The following GREB1 variants were observed in gnomAD, a reference collection of about 807,000 sequenced individuals.
GREB1 encodes the protein growth regulating estrogen receptor binding 1.
A neutral mutation model predicts 200.7 loss-of-function variants in GREB1; 106 were observed. The observed-to-expected ratio is 0.53, with a 90% CI of 0.45 to 0.62. The LOEUF (loss-of-function observed/expected upper bound fraction) is 0.62. GREB1 is among the 20% of genes least tolerant of loss of function. The probability of loss-of-function intolerance (pLI) is 0.00; values close to 1 mark genes in which losing one functional copy is unlikely to be tolerated. For synonymous variants in GREB1, 1,132 were observed against 1,092.4 expected, an observed-to-expected ratio of 1.04 and a Z score of -0.72; for missense variants, 2,243 against 2,556.8, an observed-to-expected ratio of 0.88 and a Z score of 2.65.
chr2:11,634,051 G>C, intron 28 of GREB1, 80 bp from the exon 29 acceptor site: 1 of 1,319,470 alleles, frequency 7.6e-7, no homozygotes, highest in African/African-American at 1.4e-5. Flanking sequence ...TCTGAGAGCC[G>C]GTGCCACACT....
intron 19 of GREB1, among the ~76,000 whole-genome samples, 161 bp downstream of exon 19, chr2:11,612,771 G>T (rs1244697958): frequency 1.3e-5 from 2 of 152,232 alleles, no homozygotes; most frequent in Non-Finnish European, 2.9e-5. Context: ...TCCCAGCATG[G>T]GCCTGAGTGC....
At chr2:11,617,190 C>T (rs544654010) in intron 21 of GREB1, among the ~76,000 whole-genome samples, 7 of 152,352 alleles carry the variant, frequency 4.6e-5, no homozygotes, top group East Asian at 3.9e-4. Context: ...ACAGCCACAG[C>T]GGGTGGGCAG....
intron 30 of GREB1, among the ~76,000 whole-genome samples, chr2:11,636,013 C>T (rs916929437): frequency 4.6e-5 from 7 of 152,202 alleles, no homozygotes; most frequent in Admixed American, 6.5e-5. Flanking sequence ...CTAATGCCAC[C>T]AGCTGCCTTT....
At chr2:11,534,523 G>C (rs1572605117) in intron 1 of GREB1, among the ~76,000 whole-genome samples, 1 of 152,318 alleles carries the variant, frequency 6.6e-6, no homozygotes. Flanking sequence ...GTGTGCTGAA[G>C]TGGGGAGCGT....
At chr2:11,617,330 G>A (rs1352476925) in intron 21 of GREB1, among the ~76,000 whole-genome samples, 2 of 152,172 alleles carry the variant, frequency 1.3e-5, no homozygotes, top group East Asian at 1.9e-4. Flanking sequence ...AGGGGCCACC[G>A]TCGGCCATCA....
chr2:11,553,004 C>A (rs1252471507), intron 1 of GREB1, among the ~76,000 whole-genome samples: 4 of 113,732 alleles, frequency 3.5e-5, no homozygotes, highest in Non-Finnish European at 6.4e-5. Context: ...AGCGAAACTC[C>A]GTCTCAAAAA....
At chr2:11,540,386 C>G (rs1226744690) in intron 1 of GREB1, among the ~76,000 whole-genome samples, 3 of 152,236 alleles carry the variant, frequency 2.0e-5, no homozygotes, top group Non-Finnish European at 4.4e-5. Context: ...TGCTTGGGCC[C>G]TGCCTGGTTG....
chr2:11,618,198 G>GCGAC lies in GREB1; in HGVS notation c.3413-90_3413-89insCGAC. The GCGAC allele has an allele frequency of 6.7e-6, 8 of 1,192,298 alleles. No individual in the cohort carries two copies. The South Asian group carries it at 1.3e-4, about 20-fold the overall frequency. 73.9% of individuals were successfully genotyped at this position (1,192,298 alleles called of 1,614,324 possible). A position where few individuals can be genotyped will look rare whatever the true frequency, so the allele number is the denominator to read the frequency against. ...CTGGGACAGGTCACTCCTGGGATGG[G>GCGAC]TGACTCCTGGGACAGGTCACTCCTG... is the stretch of plus-strand genomic sequence containing the variant. On this transcript the variant is annotated intron_variant, in intron 21 of 32. Coordinates refer to ENST00000381486, the MANE Select transcript of GREB1 (RefSeq NM_014668.4).
intron 6 of GREB1, 105 bp downstream of exon 6, chr2:11,578,536 G>A: frequency 8.3e-7 from 1 of 1,202,884 alleles, no homozygotes; most frequent in Non-Finnish European, 1.2e-6. Flanking sequence ...AATAAATCAG[G>A]GGGCTGTTAT....
intron 1 of GREB1, among the ~76,000 whole-genome samples, chr2:11,535,509 T>G (rs1051484491): frequency 6.9e-6 from 1 of 145,062 alleles, no homozygotes; most frequent in Non-Finnish European, 1.5e-5. Flanking sequence ...CTGTTTCCAT[T>G]AAACAGCATT....
At chr2:11,584,866 C>T in intron 7 of GREB1, 1 of 246,354 alleles carries the variant, frequency 4.1e-6, no homozygotes, top group Non-Finnish European at 7.8e-6. Context: ...CTGTAGTGCG[C>T]TATGCCGATC....
chr2:11,579,802 G>A (rs1300208770), intron 6 of GREB1, among the ~76,000 whole-genome samples: 2 of 152,178 alleles, frequency 1.3e-5, no homozygotes, highest in African/African-American at 4.8e-5. Context: ...AGCCATGATT[G>A]TCCCCAGAAT....
intron 1 of GREB1, among the ~76,000 whole-genome samples, chr2:11,497,700 A>G (rs1672924490): frequency 6.6e-6 from 1 of 152,026 alleles, no homozygotes; most frequent in Non-Finnish European, 1.5e-5. Context: ...TTGTGGTTTT[A>G]ATTTGTATTT....
chr2:11,513,580 A>G (rs1354093312), intron 1 of GREB1, among the ~76,000 whole-genome samples: 3 of 152,170 alleles, frequency 2.0e-5, no homozygotes, highest in African/African-American at 2.4e-5. Flanking sequence ...CTGAAACTCT[A>G]TAGTCCTGGC....
At chr2:11,518,792 T>C (rs1479262503) in intron 1 of GREB1, among the ~76,000 whole-genome samples, 1 of 149,242 alleles carries the variant, frequency 6.7e-6, no homozygotes, top group Non-Finnish European at 1.5e-5. Flanking sequence ...AATATAAGCA[T>C]GTGTCTTTTT....
chr2:11,631,010 G>T (rs1020690002), intron 26 of GREB1, among the ~76,000 whole-genome samples: 3 of 152,170 alleles, frequency 2.0e-5, no homozygotes, highest in African/African-American at 7.2e-5. Flanking sequence ...TACCCAAGAG[G>T]ACTTCATTGT....
At chr2:11,540,232 T>A (rs1287544401) in intron 1 of GREB1, 10 of 152,190 alleles carry the variant, frequency 6.6e-5, no homozygotes, top group Admixed American at 6.5e-4. Flanking sequence ...GCCCTTCTAA[T>A]AAGGTGCAGG....
chr2:11,632,016 G>T lies in GREB1; in HGVS notation c.4719G>T (p.Val1573=). 6.2e-7 allele frequency: 1 copy of T among 1,613,930 alleles called. No individual in the cohort carries two copies. Among genetic ancestry groups the T allele is most frequent in the Non-Finnish European group, 8.5e-7 (1 of 1,179,846 alleles). ...HAMDGASHLH[V]LVVKEYEMAI... ...TGGACGGTGCCAGCCATTTGCACGT[G>T]CTGGTTGTCAAGGAATACGAGATGG... is the stretch of plus-strand genomic sequence containing the variant. The change falls in exon 27 of 33, where the codon GTG becomes GTT. Residue 1573 remains valine, a synonymous_variant. Transcript: ENST00000381486.
chr2:11,602,319 C>A, intron 16 of GREB1, 87 bp from the exon 17 acceptor site: 1 of 1,227,450 alleles, frequency 8.1e-7, no homozygotes, highest in Non-Finnish European at 1.2e-6. Flanking sequence ...AGTTGCCAAC[C>A]CAGGTCATCC....
Sources: allele counts gnomAD v4.1 joint callset (sites outside exome capture counted in the v4.1 genomes callset), GRCh38; gene constraint gnomAD v4.1.1; transcripts MANE v1.5; gene names NCBI Gene and HGNC (gene_info 2026-07-23, HGNC 2026-07-21).